Variants in NAV3 observed in about 807,000 individuals in gnomAD.
NAV3 encodes the protein pore membrane and/or filament interacting like protein 1.
Under a neutral mutation model 244.7 loss-of-function variants are expected in NAV3, and 87 were observed. That is an observed-to-expected ratio of 0.36 (90% CI 0.30 to 0.42). The LOEUF (loss-of-function observed/expected upper bound fraction) is 0.42, where lower values mean the gene tolerates loss of function less well. Among genes scored for constraint, NAV3 ranks in the 20% least tolerant of loss-of-function variants. The pLI is 1.00. For missense variants in NAV3, 2,663 were observed against 2,893.3 expected (o/e 0.92, Z 1.83); for synonymous variants, 1,126 against 1,042.2 (o/e 1.08, Z -1.55).
intron 2 of NAV3, among the ~76,000 whole-genome samples, chr12:77,658,867 C>T (rs939610359): frequency 3.5e-4 from 53 of 152,136 alleles, no homozygotes; most frequent in Non-Finnish European, 8.8e-5. Flanking sequence ...GAAAGGATTC[C>T]CTATTTAATA....
At chr12:77,614,612 C>T (rs1441061003) in intron 2 of NAV3, among the ~76,000 whole-genome samples, 1 of 152,148 alleles carries the variant, frequency 6.6e-6, no homozygotes, top group Non-Finnish European at 1.5e-5. Context: ...GTTCACTTAG[C>T]ATTTAAGACC....
intron 12 of NAV3, among the ~76,000 whole-genome samples, chr12:78,105,854 T>C (rs1488923768): frequency 6.6e-6 from 1 of 151,742 alleles, no homozygotes; most frequent in Non-Finnish European, 1.5e-5. Flanking sequence ...CTGAAGTCAT[T>C]GGAATTGAAT....
intron 2 of NAV3, among the ~76,000 whole-genome samples, chr12:77,710,289 C>T (rs916386126): frequency 2.0e-5 from 3 of 151,354 alleles, no homozygotes; most frequent in African/African-American, 7.4e-5. Flanking sequence ...AATTATGAAT[C>T]CTAATGTAGG....
At chr12:78,004,000 C>T (rs1298198380) in intron 7 of NAV3, among the ~76,000 whole-genome samples, 1 of 152,154 alleles carries the variant, frequency 6.6e-6, no homozygotes, top group African/African-American at 2.4e-5. Context: ...ATGTGGCTTG[C>T]TGGAGAGCCA....
Position 78,122,176 on chromosome 12 carries a change from T to C in NAV3, c.3986T>C (p.Leu1329Ser). Reference protein sequence around the residue: ...TTDVISLSHSLASSPASVHSF... With the variant: ...TTDVISLSHSSASSPASVHSF... ...GATGTTATAAGCTTAAGTCACTCGT[T>C]GGCCTCCAGCCCAGCATCGGTTCAC... The change falls in exon 16 of 40, where the codon TTG becomes TCG. Residue 1329 changes from leucine (L) to serine (S), a missense_variant. By Grantham distance (145) the Leu-to-Ser change is moderately radical. Around this residue, in one of 6 missense-constraint regions of NAV3, gnomAD observed 354 missense variants for 413.0 expected, o/e 0.86. Transcript: ENST00000397909. 3.1e-6 allele frequency: 5 copies of C among 1,614,150 alleles called. No individual in the cohort carries two copies. The highest frequency in any genetic ancestry group is 4.2e-6 in the Non-Finnish European group (5 of 1,180,022).
chr12:77,836,536 T>C (rs1185164556), intron 1 of NAV3, among the ~76,000 whole-genome samples: 1 of 148,102 alleles, frequency 6.8e-6, no homozygotes. Flanking sequence ...AGTATTATAA[T>C]CTACATTTAC....
At chr12:77,691,337 G>A (rs55684721) in intron 2 of NAV3, among the ~76,000 whole-genome samples, 93,041 of 102,016 alleles carry the variant, frequency 0.91, 42,749 homozygotes, top group East Asian at 0.96. Context: ...GTGTATGTGT[G>A]TATATATATA....
chr12:77,844,363 A>T (rs753577681), intron 1 of NAV3, among the ~76,000 whole-genome samples: 1 of 152,160 alleles, frequency 6.6e-6, no homozygotes, highest in Non-Finnish European at 1.5e-5. Context: ...TCATGACTTA[A>T]TCATCATTTA....
At chr12:77,766,735 G>GTTTGTTTGTTTTTTTTTTTTTTTTTTT (rs1555202961) in intron 2 of NAV3, among the ~76,000 whole-genome samples, 1 of 60,516 alleles carries the variant, frequency 1.7e-5, no homozygotes, top group Non-Finnish European at 3.0e-5. Context: ...AGGCAATTAA[G>GTTTGTTTGTTTTTTTTTTTTTTTTTTT]TTTTTTTTTT....
chr12:78,103,303 G>T (rs1393486346), intron 12 of NAV3, among the ~76,000 whole-genome samples: 1 of 152,088 alleles, frequency 6.6e-6, no homozygotes, highest in Non-Finnish European at 1.5e-5. Context: ...CATAACAAGA[G>T]TCGCCTTTGC....
At chr12:77,660,808 G>A (rs1171341037) in intron 2 of NAV3, among the ~76,000 whole-genome samples, 1 of 151,964 alleles carries the variant, frequency 6.6e-6, no homozygotes, top group African/African-American at 2.4e-5. Context: ...CTATAGTTTT[G>A]CCTTTCCTAT....
chr12:77,676,834 A>C (rs1240542926), intron 2 of NAV3, among the ~76,000 whole-genome samples: 2 of 151,818 alleles, frequency 1.3e-5, no homozygotes, highest in African/African-American at 2.4e-5. Flanking sequence ...CCTCCCCTCC[A>C]AAAAAAACCC....
intron 26 of NAV3, 80 bp from the exon 27 acceptor site, chr12:78,177,061 G>A (rs1958260827): frequency 1.4e-6 from 2 of 1,451,340 alleles, no homozygotes; most frequent in South Asian, 1.2e-5. Context: ...GGCTAGGATG[G>A]CATCTGCAAA....
At chr12:77,637,683 A>T (rs1413036585) in intron 2 of NAV3, among the ~76,000 whole-genome samples, 1 of 152,212 alleles carries the variant, frequency 6.6e-6, no homozygotes, top group Non-Finnish European at 1.5e-5. Flanking sequence ...TTTACATCTA[A>T]GCTAATTCCA....
At chr12:77,644,584 A>G (rs1872544075) in intron 2 of NAV3, among the ~76,000 whole-genome samples, 1 of 152,074 alleles carries the variant, frequency 6.6e-6, no homozygotes, top group Non-Finnish European at 1.5e-5. Flanking sequence ...TTTTGACGAT[A>G]AAGCTCTTAA....
intron 2 of NAV3, among the ~76,000 whole-genome samples, chr12:77,657,251 G>A (rs887398380): frequency 4.6e-5 from 7 of 151,992 alleles, no homozygotes; most frequent in Admixed American, 6.6e-5. Flanking sequence ...TCAACTAGAC[G>A]CAATAAAAAA....
chr12:77,898,622 T>C (rs1181439226), intron 1 of NAV3, among the ~76,000 whole-genome samples: 3 of 152,198 alleles, frequency 2.0e-5, no homozygotes, highest in African/African-American at 7.2e-5. Flanking sequence ...ACATCATGGG[T>C]TGAGGAACAC....
intron 12 of NAV3, among the ~76,000 whole-genome samples, chr12:78,080,185 TGCATA>T (rs1953276546): frequency 6.6e-6 from 1 of 152,140 alleles, no homozygotes; most frequent in African/African-American, 2.4e-5. Flanking sequence ...TTTTATCTCT[TGCATA>T]GTAGGTACTC....
chr12:77,924,390 C>T (rs1887994968), intron 1 of NAV3, among the ~76,000 whole-genome samples: 1 of 151,942 alleles, frequency 6.6e-6, no homozygotes, highest in African/African-American at 2.4e-5. Flanking sequence ...GAAATGAAGT[C>T]CTTGGTGAGA....
Sources: gnomAD v4.1 joint callset for allele counts (sites outside exome capture counted in the v4.1 genomes callset) on GRCh38, gnomAD v4.1.1 for gene constraint, gnomAD v4.1.1 regional missense constraint, MANE v1.5 for transcripts, NCBI Gene and HGNC (gene_info 2026-07-23, HGNC 2026-07-21) for gene names.